DTNB: variants seen among roughly 807,000 people sequenced by gnomAD.
The protein encoded by DTNB is dystrobrevin beta.
In DTNB, 63 loss-of-function variants were observed where a neutral mutation model predicts 90.7. The ratio of observed to expected loss-of-function variants is 0.69; its 90% CI spans 0.57 to 0.86. The LOEUF is 0.86. Ranked by LOEUF, DTNB falls within the 40% of genes least tolerant of loss-of-function variation. DTNB has a pLI of 0.00. For synonymous variants in DTNB, 277 were observed against 286.7 expected (o/e 0.97, Z 0.34); for missense variants, 744 against 807.1 (o/e 0.92, Z 0.95).
At chr2:25,401,234 CTGA>C (rs1235011441) in intron 16 of DTNB, among the ~76,000 whole-genome samples, 2 of 152,214 alleles carry the variant, frequency 1.3e-5, no homozygotes, top group Non-Finnish European at 2.9e-5. Context: ...GTCAAGACTT[CTGA>C]TGACTGACAC....
chr2:25,645,357 CAA>C (rs70947900), intron 2 of DTNB, among the ~76,000 whole-genome samples: 39 of 99,078 alleles, frequency 3.9e-4, no homozygotes, highest in Admixed American at 6.4e-4. Context: ...GACTCCATCA[CAA>C]AAAAAAAAAA....
At chr2:25,415,378 C>T (rs1031172410) in intron 16 of DTNB, among the ~76,000 whole-genome samples, 1 of 151,756 alleles carries the variant, frequency 6.6e-6, no homozygotes, top group Non-Finnish European at 1.5e-5. Context: ...TCCCGAGTAG[C>T]TGGGACTACG....
Position 25,434,108 on chromosome 2 carries a change from A to T in DTNB, c.1258-113T>A. ...TTTGACATATAATTTACATATCATA[A>T]ATCCACCCGTTTTAAGTATACAATT... is the stretch of plus-strand genomic sequence containing the variant. On this transcript the variant is annotated intron_variant, in intron 12 of 20. Coordinates refer to ENST00000406818, the MANE Select transcript of DTNB (RefSeq NM_021907.5). 10 of 948,358 alleles carry T rather than the reference A, an allele frequency of 1.1e-5. No homozygotes were observed. The Middle Eastern group carries it at 1.1e-3, about 102-fold the overall frequency. 58.7% of individuals were successfully genotyped at this position (948,358 alleles called of 1,614,324 possible). A position where few individuals can be genotyped will look rare whatever the true frequency, so the allele number is the denominator to read the frequency against.
intron 16 of DTNB, among the ~76,000 whole-genome samples, chr2:25,394,177 A>T (rs1175230540): frequency 2.0e-5 from 3 of 152,240 alleles, no homozygotes; most frequent in Non-Finnish European, 4.4e-5. Flanking sequence ...TGATGCTGAG[A>T]TAACTGGCAA....
rs1393818122 is a variant in DTNB at position 25,638,874 on chromosome 2, A to G, written c.148+140T>C. On this transcript the variant is annotated intron_variant, in intron 3 of 20. Coordinates refer to ENST00000406818, the MANE Select transcript of DTNB (RefSeq NM_021907.5). Reference sequence around the variant, plus strand: ...AAGAAGTAAAATGACAAGTTCTTCCATTACAAAGCTTACATACTAATAAAT... The same window carrying G: ...AAGAAGTAAAATGACAAGTTCTTCCGTTACAAAGCTTACATACTAATAAAT... The G allele has an allele frequency of 5.1e-6, 4 of 783,860 alleles. No individual in the cohort carries two copies. In the East Asian group the frequency reaches 1.2e-4, roughly 24 times the overall value. The allele number at this position is 783,860 out of a possible 1,614,324, so 48.6% of individuals were successfully genotyped here. A position where few individuals can be genotyped will look rare whatever the true frequency, so the allele number is the denominator to read the frequency against.
chr2:25,466,881 T>C (rs1332850436), intron 10 of DTNB, among the ~76,000 whole-genome samples: 1 of 152,224 alleles, frequency 6.6e-6, no homozygotes, highest in Non-Finnish European at 1.5e-5. Context: ...CTGGCGACCA[T>C]GTTTCAAAGT....
intron 9 of DTNB, among the ~76,000 whole-genome samples, chr2:25,514,110 A>G (rs957152668): frequency 2.0e-5 from 3 of 152,218 alleles, no homozygotes; most frequent in African/African-American, 7.2e-5. Context: ...GGCAAGTGTC[A>G]TGCAGAAACT....
chr2:25,617,662 G>A lies in DTNB; in HGVS notation c.363-10341C>T, dbSNP rs141138752. Among the ~76,000 whole-genome samples, 243 of 152,302 alleles carry A rather than the reference G, an allele frequency of 1.6e-3. 5 individuals carry two copies. The East Asian group carries it at 0.044, about 28-fold the overall frequency. ...AATCCCAGCACTTTGGGAGGCTAAT[G>A]CAGGTGGATCACTTGAGACCAAGAG... is the stretch of plus-strand genomic sequence containing the variant. On this transcript the variant is annotated intron_variant, in intron 4 of 20. Coordinates refer to ENST00000406818, the MANE Select transcript of DTNB (RefSeq NM_021907.5).
intron 15 of DTNB, among the ~76,000 whole-genome samples, chr2:25,425,505 T>C (rs1292627852): frequency 6.6e-6 from 1 of 152,248 alleles, no homozygotes; most frequent in Non-Finnish European, 1.5e-5. Flanking sequence ...GGGGTTAAGA[T>C]CCTTGTCACT....
Position 25,628,250 on chromosome 2 carries a change from G to T in DTNB, c.283C>A (p.Arg95Ser). 1.2e-6 allele frequency: 2 copies of T among 1,613,528 alleles called. No individual in the cohort carries two copies. The highest frequency in any genetic ancestry group is 1.7e-6 in the Non-Finnish European group (2 of 1,179,844). ...CTAATTTGGTGAGTAGAAGGAAGGC[G>T]CTTGTTCAACTGATAGTAGATGGAG... ...ISSIYYQLNK[R>S]LPSTHQISVE... Residue 95 changes from arginine (R) to serine (S), a missense_variant, in exon 4 of 21, where the codon CGC becomes AGC. Arg to Ser is a moderately radical substitution (Grantham distance 110). Transcript: ENST00000406818.
intron 15 of DTNB, among the ~76,000 whole-genome samples, chr2:25,422,555 A>C (rs2050125539): frequency 6.6e-6 from 1 of 151,336 alleles, no homozygotes; most frequent in Non-Finnish European, 1.5e-5. Flanking sequence ...ATAGGCATGC[A>C]CCACCACATC....
chr2:25,668,872 CA>C (rs2085148875), intron 1 of DTNB, among the ~76,000 whole-genome samples: 1 of 151,844 alleles, frequency 6.6e-6, no homozygotes, highest in African/African-American at 2.4e-5. Flanking sequence ...AACGGGGAAA[CA>C]ACCCAAATGT....
At chr2:25,665,991 T>TA (rs1373679512) in intron 1 of DTNB, among the ~76,000 whole-genome samples, 2 of 152,186 alleles carry the variant, frequency 1.3e-5, no homozygotes, top group Non-Finnish European at 2.9e-5. Flanking sequence ...TGGCATCCAG[T>TA]AAGAGCCCAA....
At chr2:25,476,757 A>G (rs1440178708) in intron 10 of DTNB, among the ~76,000 whole-genome samples, 2 of 152,268 alleles carry the variant, frequency 1.3e-5, no homozygotes, top group Non-Finnish European at 2.9e-5. Flanking sequence ...AAGCAAAGAA[A>G]GGGGTTTCTT....
chr2:25,520,847 C>T (rs78193226), intron 9 of DTNB, among the ~76,000 whole-genome samples: 36 of 152,148 alleles, frequency 2.4e-4, no homozygotes, highest in African/African-American at 8.4e-4. Flanking sequence ...AAATTAGAGC[C>T]ACATTAAAGT....
At chr2:25,622,206 G>A (rs886787021) in intron 4 of DTNB, among the ~76,000 whole-genome samples, 6 of 152,332 alleles carry the variant, frequency 3.9e-5, no homozygotes, top group South Asian at 2.1e-4. Flanking sequence ...CTGGCCGGGT[G>A]CAGTGGCTTA....
At chr2:25,508,064 T>A (rs538893464) in intron 9 of DTNB, among the ~76,000 whole-genome samples, 2 of 152,050 alleles carry the variant, frequency 1.3e-5, no homozygotes, top group Non-Finnish European at 2.9e-5. Flanking sequence ...AGACCTCCAA[T>A]ACTGCCCATC....
chr2:25,415,670 C>T (rs1249179640), intron 16 of DTNB, among the ~76,000 whole-genome samples: 1 of 152,066 alleles, frequency 6.6e-6, no homozygotes, highest in African/African-American at 2.4e-5. Context: ...GAGTTAATCA[C>T]CAATGGCCAA....
intron 8 of DTNB, chr2:25,558,263 G>A (rs1218881161): frequency 3.0e-6 from 3 of 985,302 alleles, no homozygotes; most frequent in Non-Finnish European, 3.6e-6. Context: ...CAGAAAGCAT[G>A]AGGTATTCAG....
Sources: allele counts gnomAD v4.1 joint callset (sites outside exome capture counted in the v4.1 genomes callset), GRCh38; gene constraint gnomAD v4.1.1; transcripts MANE v1.5; gene names NCBI Gene and HGNC (gene_info 2026-07-23, HGNC 2026-07-21).